EML1: variants seen among roughly 807,000 people sequenced by gnomAD.
The protein encoded by EML1 is echinoderm microtubule-associated protein-like 1.
Under a neutral mutation model 110.4 loss-of-function variants are expected in EML1, and 27 were observed. The ratio of observed to expected loss-of-function variants is 0.24; its 90% CI spans 0.18 to 0.34. EML1 has a LOEUF of 0.34. Among genes scored for constraint, EML1 ranks in the 10% least tolerant of loss-of-function variants. The pLI, the probability that EML1 is intolerant of heterozygous loss-of-function variation, is 1.00. For missense variants in EML1, 741 were observed against 1,030.9 expected, an observed-to-expected ratio of 0.72 and a Z score of 3.85; for synonymous variants, 344 against 385.8, an observed-to-expected ratio of 0.89 and a Z score of 1.27.
chr14:99,793,384 C>G (rs1438315160), upstream of EML1: 9 of 996,780 alleles, frequency 9.0e-6, no homozygotes, highest in East Asian at 8.2e-4. Context: ...GGCCCCAGCG[C>G]CAGCGCCGGT....
chr14:99,775,413 C>T lies in EML1; in HGVS notation c.-27+1400C>T, dbSNP rs548505567. On this transcript the variant is annotated intron_variant, in intron 1 of 22. Coordinates refer to the EML1 transcript ENST00000327921. ...AGTGGCATTTGAGATGAACTTGAGA[C>T]GTGGTGGCTGGGGAAATGTGGAGCA... Among the ~76,000 whole-genome samples the T allele has an allele frequency of 2.5e-4, 38 of 152,274 alleles. No individual in the cohort carries two copies. In the South Asian group the frequency reaches 6.6e-3, roughly 27 times the overall value.
intron 17 of EML1, among the ~76,000 whole-genome samples, chr14:99,928,024 T>A (rs796418024): frequency 1.7e-5 from 1 of 59,988 alleles, no homozygotes; most frequent in African/African-American, 5.4e-5. Flanking sequence ...GTGGTGGTGG[T>A]GGTGGTGGTG....
chr14:99,912,604 G>A (rs12436192), intron 13 of EML1, among the ~76,000 whole-genome samples: 24,701 of 152,096 alleles, frequency 0.16, 2,641 homozygotes, highest in East Asian at 0.41. Context: ...TGAAAATTTG[G>A]TTCTGTTGAT....
chr14:99,821,178 A>G (rs1595339652), intron 1 of EML1, among the ~76,000 whole-genome samples: 1 of 152,074 alleles, frequency 6.6e-6, no homozygotes, highest in South Asian at 2.1e-4. Context: ...ATGTGCCACC[A>G]TGCCTGGCTA....
intron 9 of EML1, among the ~76,000 whole-genome samples, chr14:99,902,906 G>T (rs910415331): frequency 3.3e-5 from 5 of 152,152 alleles, no homozygotes; most frequent in Admixed American, 3.3e-4. Context: ...GGCTTCTATT[G>T]ACTCTACAAT....
intron 1 of EML1, among the ~76,000 whole-genome samples, chr14:99,814,543 A>T (rs1206657889): frequency 1.3e-5 from 2 of 152,134 alleles, no homozygotes; most frequent in Admixed American, 1.3e-4. Context: ...GAGGTTACAG[A>T]CATGAGCCAC....
At chr14:99,824,693 A>T (rs1014941161) in intron 1 of EML1, among the ~76,000 whole-genome samples, 1 of 152,022 alleles carries the variant, frequency 6.6e-6, no homozygotes, top group African/African-American at 2.4e-5. Context: ...TGGTGAACCT[A>T]TCGCTGGAAT....
intron 1 of EML1, among the ~76,000 whole-genome samples, chr14:99,761,457 T>C (rs2057312829): frequency 6.6e-6 from 1 of 152,190 alleles, no homozygotes; most frequent in Non-Finnish European, 1.5e-5. Flanking sequence ...GGTGTCTTAC[T>C]GGGAGGCGCC....
intron 4 of EML1, chr14:99,883,201 T>G (rs1445035134): frequency 6.6e-6 from 1 of 152,204 alleles, no homozygotes; most frequent in Admixed American, 6.5e-5. Context: ...TTTTTCCTTT[T>G]TTGAGGCCAT....
At chr14:99,880,437 G>A (rs2059366049) in intron 4 of EML1, among the ~76,000 whole-genome samples, 1 of 152,172 alleles carries the variant, frequency 6.6e-6, no homozygotes, top group Admixed American at 6.5e-5. Context: ...CCATGCTCAG[G>A]CTGCCTTGAC....
At chr14:99,787,066 G>A (rs1418327160) in intron 1 of EML1, among the ~76,000 whole-genome samples, 3 of 152,296 alleles carry the variant, frequency 2.0e-5, no homozygotes, top group Admixed American at 2.0e-4. Context: ...CCATTTGTCA[G>A]GGATGTTGTA....
rs575518813 is a variant in EML1, at chr14:99,891,064, T to G, written c.519-135T>G. 38 of 954,932 alleles carry G rather than the reference T, an allele frequency of 4.0e-5. No homozygotes were observed. The Middle Eastern group carries it at 6.6e-4, about 16-fold the overall frequency. The allele number at this position is 954,932 out of a possible 1,614,324, so 59.2% of individuals were successfully genotyped here. A position where few individuals can be genotyped will look rare whatever the true frequency, so the allele number is the denominator to read the frequency against. ...CCTTTTTGCAGTGAAATTGGTGGTG[T>G]TTTTCTTATTAACGTGTATAACTTA... On this transcript the variant is annotated intron_variant, in intron 4 of 21. Coordinates refer to ENST00000262233, the MANE Select transcript of EML1 (RefSeq NM_004434.3).
chr14:99,933,031 G>A (rs948488499), intron 17 of EML1, among the ~76,000 whole-genome samples: 1 of 151,930 alleles, frequency 6.6e-6, no homozygotes, highest in Non-Finnish European at 1.5e-5. Flanking sequence ...GGCAGGAGTC[G>A]AGGAGGTCAA....
At position 99,914,301 on chromosome 14, in the gene EML1, T is replaced by C; in HGVS notation, c.1617T>C (p.Thr539=). The C allele has an allele frequency of 6.2e-7, 1 of 1,607,350 alleles. No homozygotes were observed. The highest frequency in any genetic ancestry group is 1.1e-5 in the South Asian group (1 of 90,790). ...TGTCAGGGGACTTCACACCCATTAC[T>C]CAGGTACGATCCCACTCAGCAGGCC... ...GTLSGDFTPI[T]QGHTDELWGL... The change falls in exon 14 of 22, where the codon ACT becomes ACC. Residue 539 remains threonine, a synonymous_variant. Transcript: ENST00000262233.
chr14:99,838,636 T>G (rs116274802), intron 1 of EML1, among the ~76,000 whole-genome samples: 1 of 152,156 alleles, frequency 6.6e-6, no homozygotes, highest in South Asian at 2.1e-4. Flanking sequence ...GTAGTTTTTT[T>G]TTTTCTTTCT....
Position 99,851,019 on chromosome 14 carries a change from G to A in EML1, c.234G>A (p.Arg78=), listed in dbSNP as rs762887772. Residue 78 remains arginine (R), a synonymous_variant, in exon 2 of 22, where the codon AGG becomes AGA. Transcript: ENST00000262233. ...AGGAACAGCAGGCCGTGCTTAACAGGAAAGGACCTACCAAAGGTGGGCGTT... is the reference window on the plus strand; with the variant it reads ...AGGAACAGCAGGCCGTGCTTAACAGAAAAGGACCTACCAAAGGTGGGCGTT... The part of the protein sequence containing the change: ...ITEEQQAVLN[R]KGPTKARPLM... 2 of 1,613,062 alleles carry A rather than the reference G, an allele frequency of 1.2e-6. No homozygotes were observed. Among genetic ancestry groups the A allele is most frequent in the South Asian group, 1.1e-5 (1 of 91,030 alleles).
At chr14:99,923,641 C>CAATCGATCAGAAATGTAAAGGTTTATTT (rs1566940202) in intron 17 of EML1, among the ~76,000 whole-genome samples, 1 of 52,198 alleles carries the variant, frequency 1.9e-5, no homozygotes, top group African/African-American at 4.4e-4. Flanking sequence ...CAGTTCTGCC[C>CAATCGATCAGAAATGTAAAGGTTTATTT]CCTTCACCTG....
intron 1 of EML1, among the ~76,000 whole-genome samples, chr14:99,760,022 G>T (rs902194382): frequency 7.7e-6 from 1 of 129,318 alleles, no homozygotes; most frequent in Non-Finnish European, 1.5e-5. Context: ...CAGGAGAATC[G>T]CTTGAACCCG....
intron 1 of EML1, among the ~76,000 whole-genome samples, chr14:99,752,946 G>A (rs903888422): frequency 1.3e-5 from 2 of 152,024 alleles, no homozygotes; most frequent in Admixed American, 6.5e-5. Context: ...TGGAAGGCAG[G>A]GCGTGCAATG....
Sources: allele counts gnomAD v4.1 joint callset (sites outside exome capture counted in the v4.1 genomes callset), GRCh38; gene constraint gnomAD v4.1.1; transcripts MANE v1.5; gene names NCBI Gene and HGNC (gene_info 2026-07-23, HGNC 2026-07-21).